The following CENPP variants were observed in gnomAD, a reference collection of about 807,000 sequenced individuals.
CENPP encodes the protein centromere protein P.
In CENPP, 24 loss-of-function variants were observed where a neutral mutation model predicts 35.6. The observed-to-expected ratio is 0.67, with a 90% CI of 0.49 to 0.95. The LOEUF (loss-of-function observed/expected upper bound fraction) is 0.95, where lower values mean the gene tolerates loss of function less well. Among genes scored for constraint, CENPP ranks in the 40% least tolerant of loss-of-function variants. CENPP has a pLI of 0.00. For synonymous variants in CENPP, 120 were observed against 125.5 expected (o/e 0.96, Z 0.29); for missense variants, 332 against 345.3 (o/e 0.96, Z 0.31).
chr9:92,522,703 A>G (rs761257619), intron 5 of CENPP: 49 of 1,614,050 alleles, frequency 3.0e-5, no homozygotes, highest in Non-Finnish European at 7.6e-6. Flanking sequence ...TGTTTGCTGA[A>G]TTCCAAGCTG....
At chr9:92,592,146 A>G (rs937681683) in intron 5 of CENPP, among the ~76,000 whole-genome samples, 2 of 152,172 alleles carry the variant, frequency 1.3e-5, no homozygotes, top group African/African-American at 4.8e-5. Flanking sequence ...CATTATATAA[A>G]TGTATACACT....
At chr9:92,387,300 C>T (rs1263970866) in intron 5 of CENPP, among the ~76,000 whole-genome samples, 5 of 151,456 alleles carry the variant, frequency 3.3e-5, no homozygotes, top group Non-Finnish European at 7.4e-5. Flanking sequence ...TGCTTGAACC[C>T]AGGGGGTGGA....
intron 5 of CENPP, among the ~76,000 whole-genome samples, chr9:92,451,012 G>A (rs1844692588): frequency 6.6e-6 from 1 of 151,896 alleles, no homozygotes; most frequent in Admixed American, 6.6e-5. Flanking sequence ...TGTCAGATGA[G>A]TAGGTTGCAA....
At chr9:92,401,151 CTT>C (rs1843095230) in intron 5 of CENPP, 1 of 1,552,966 alleles carries the variant, frequency 6.4e-7, no homozygotes, top group Admixed American at 1.7e-5. Context: ...TAATTGAAGA[CTT>C]TTCTCATTGG....
At chr9:92,569,935 C>T (rs1320865188) in intron 5 of CENPP, among the ~76,000 whole-genome samples, 1 of 152,100 alleles carries the variant, frequency 6.6e-6, no homozygotes, top group Non-Finnish European at 1.5e-5. Flanking sequence ...GATTTTGTAT[C>T]CTGAGACTTT....
chr9:92,530,190 G>A (rs370526593), intron 5 of CENPP, among the ~76,000 whole-genome samples: 4 of 152,070 alleles, frequency 2.6e-5, no homozygotes, highest in South Asian at 2.1e-4. Context: ...ACCAAGGGAC[G>A]ACAGTACTAT....
intron 5 of CENPP, among the ~76,000 whole-genome samples, chr9:92,533,086 C>G (rs1192575451): frequency 6.6e-6 from 1 of 151,312 alleles, no homozygotes; most frequent in Non-Finnish European, 1.5e-5. Flanking sequence ...ATCACAAGGT[C>G]AGGAGTTTGA....
At chr9:92,367,681 G>A (rs535596781) in intron 4 of CENPP, among the ~76,000 whole-genome samples, 10 of 151,452 alleles carry the variant, frequency 6.6e-5, no homozygotes, top group African/African-American at 2.2e-4. Flanking sequence ...GCAATGGTGC[G>A]ATCTCGGCTC....
At chr9:92,483,555 G>T (rs1212619353) in intron 5 of CENPP, among the ~76,000 whole-genome samples, 1 of 152,142 alleles carries the variant, frequency 6.6e-6, no homozygotes, top group Non-Finnish European at 1.5e-5. Context: ...AACCCTAGTG[G>T]CAAGGACTTA....
chr9:92,374,119 CAAA>C (rs35803886), intron 4 of CENPP, among the ~76,000 whole-genome samples: 5 of 97,864 alleles, frequency 5.1e-5, no homozygotes, highest in African/African-American at 9.3e-5. Context: ...CAGCAGTGAC[CAAA>C]AAAAAAAAAA....
intron 5 of CENPP, chr9:92,500,857 C>T (rs780638094): frequency 6.2e-7 from 1 of 1,614,158 alleles, no homozygotes; most frequent in Admixed American, 1.7e-5. Flanking sequence ...TAGAAGGAGA[C>T]ACGGTCCATG....
chr9:92,615,937 C>G lies in CENPP; in HGVS notation c.*2788C>G. ...CAGTCTTTGAATAATAGTTGACGAT[C>G]TTGCCGTCCAGTTTATACTGATGGG... On this transcript the variant is annotated 3_prime_UTR_variant, in exon 8 of 8. Coordinates refer to ENST00000375587, the MANE Select transcript of CENPP (RefSeq NM_001012267.3). 6.2e-7 allele frequency: 1 copy of G among 1,614,150 alleles called. No individual in the cohort carries two copies. Among genetic ancestry groups the G allele is most frequent in the Non-Finnish European group, 8.5e-7 (1 of 1,179,998 alleles).
intron 5 of CENPP, among the ~76,000 whole-genome samples, chr9:92,409,729 A>G (rs1430794697): frequency 2.0e-5 from 3 of 152,252 alleles, no homozygotes; most frequent in Non-Finnish European, 4.4e-5. Context: ...ATTAGCTAAC[A>G]TAACTAAATA....
chr9:92,597,238 A>G (rs1285693237), intron 5 of CENPP, among the ~76,000 whole-genome samples: 1 of 152,160 alleles, frequency 6.6e-6, no homozygotes, highest in African/African-American at 2.4e-5. Context: ...ATTTCATATG[A>G]CCACTGTGAG....
chr9:92,545,732 T>C (rs1303443308), intron 5 of CENPP, among the ~76,000 whole-genome samples: 2 of 152,152 alleles, frequency 1.3e-5, no homozygotes, highest in Non-Finnish European at 2.9e-5. Flanking sequence ...TTGAGTCTAG[T>C]GGGGATTTGG....
intron 5 of CENPP, among the ~76,000 whole-genome samples, chr9:92,585,154 T>A (rs758808353): frequency 3.3e-5 from 5 of 152,246 alleles, no homozygotes; most frequent in Non-Finnish European, 7.3e-5. Context: ...GAAGGAAGAC[T>A]GCTCACTAGG....
chr9:92,611,769 C>T (rs1851259118), intron 6 of CENPP, among the ~76,000 whole-genome samples: 2 of 152,182 alleles, frequency 1.3e-5, no homozygotes, highest in Non-Finnish European at 1.5e-5. Context: ...AGGCTTAGTG[C>T]CCTGATAGCA....
chr9:92,442,783 A>G (rs1218529667), intron 5 of CENPP, among the ~76,000 whole-genome samples: 2 of 151,740 alleles, frequency 1.3e-5, no homozygotes, highest in Non-Finnish European at 2.9e-5. Context: ...CGGGAGGCGG[A>G]GCTTGCAGTG....
At chr9:92,360,154 T>G (rs1841706914) in intron 4 of CENPP, among the ~76,000 whole-genome samples, 2 of 152,206 alleles carry the variant, frequency 1.3e-5, no homozygotes, top group African/African-American at 4.8e-5. Context: ...TTCATTCACG[T>G]TTTGGCTATA....
Sources: allele counts gnomAD v4.1 joint callset (sites outside exome capture counted in the v4.1 genomes callset), GRCh38; gene constraint gnomAD v4.1.1; transcripts MANE v1.5; gene names NCBI Gene and HGNC (gene_info 2026-07-23, HGNC 2026-07-21).